Variants in PPM1B observed in about 807,000 individuals in gnomAD.
The protein encoded by PPM1B is protein phosphatase, Mg2+/Mn2+ dependent 1B.
In PPM1B, 22 loss-of-function variants were observed where a neutral mutation model predicts 43.0. The ratio of observed to expected loss-of-function variants is 0.51; its 90% confidence interval spans 0.37 to 0.73. PPM1B has a LOEUF of 0.73. Among genes scored for constraint, PPM1B ranks in the 30% least tolerant of loss-of-function variants. The probability of loss-of-function intolerance (pLI) is 0.00; values close to 1 mark genes in which losing one functional copy is unlikely to be tolerated. For synonymous variants in PPM1B, 217 were observed against 197.9 expected, an observed-to-expected ratio of 1.10 and a Z score of -0.81; for missense variants, 632 against 584.2, an observed-to-expected ratio of 1.08 and a Z score of -0.84.
intron 1 of PPM1B, among the ~76,000 whole-genome samples, chr2:44,197,519 C>T (rs1179343862): frequency 6.6e-6 from 1 of 152,158 alleles, no homozygotes; most frequent in Non-Finnish European, 1.5e-5. Context: ...TTGGATTTCA[C>T]CAGTTTTTCT....
intron 1 of PPM1B, among the ~76,000 whole-genome samples, chr2:44,175,662 G>C (rs1367123652): frequency 3.9e-5 from 6 of 152,088 alleles, no homozygotes; most frequent in Non-Finnish European, 1.5e-5. Flanking sequence ...TAAAAGCTGT[G>C]ATTAGAGCTT....
intron 2 of PPM1B, among the ~76,000 whole-genome samples, chr2:44,207,888 CTTTT>C (rs569077342): frequency 4.1e-5 from 4 of 97,390 alleles, no homozygotes; most frequent in Admixed American, 1.2e-4. Context: ...TGGCTTTATG[CTTTT>C]TTTTTTTTTT....
chr2:44,209,118 T>G, intron 2 of PPM1B, 92 bp from the exon 3 acceptor site: 1 of 1,143,490 alleles, frequency 8.7e-7, no homozygotes, highest in Non-Finnish European at 1.2e-6. Flanking sequence ...TCTGGATGAT[T>G]AAATAAACTA....
In PPM1B at chr2:44,240,767, T is replaced by C. The variant is rs141024161; in HGVS notation, n.1547-3461T>C. Among the ~76,000 whole-genome samples, 531 of 144,936 alleles carry C rather than the reference T, an allele frequency of 3.7e-3. 27 individuals are homozygous for C. The highest frequency in any genetic ancestry group is 0.013 in the African/African-American group (507 of 40,346). ...AGTACCCATTAGCATGAAACAGCGT[T>C]TTCTGGGGTGGCTCAGTAAAATGGA... On this transcript the variant is annotated intron_variant and non_coding_transcript_variant, in intron 5 of 5. Coordinates refer to the PPM1B transcript ENST00000378540.
At chr2:44,175,509 C>CA (rs1387394675) in intron 1 of PPM1B, among the ~76,000 whole-genome samples, 1 of 152,176 alleles carries the variant, frequency 6.6e-6, no homozygotes, top group Non-Finnish European at 1.5e-5. Context: ...ACAAAACAGA[C>CA]AAAATCCCAA....
downstream of PPM1B, among the ~76,000 whole-genome samples, chr2:44,237,045 T>C (rs1670641842): frequency 6.6e-6 from 1 of 152,258 alleles, no homozygotes; most frequent in African/African-American, 2.4e-5. Context: ...TTAAGATGAA[T>C]TCAAGCAATG....
intron 3 of PPM1B, among the ~76,000 whole-genome samples, chr2:44,215,091 A>G (rs1669661062): frequency 6.6e-6 from 1 of 152,234 alleles, no homozygotes; most frequent in Non-Finnish European, 1.5e-5. Flanking sequence ...ACAAATATGT[A>G]ATATGATCTC....
intron 5 of PPM1B, among the ~76,000 whole-genome samples, chr2:44,240,842 G>A (rs543010415): frequency 1.4e-5 from 2 of 145,974 alleles, no homozygotes; most frequent in African/African-American, 4.9e-5. Flanking sequence ...GCCAGGTGCT[G>A]TTGGCTTCCT....
downstream of PPM1B, chr2:44,232,630 C>G: frequency 8.1e-7 from 1 of 1,229,964 alleles, no homozygotes; most frequent in African/African-American, 1.6e-5. Context: ...TATTTCACCA[C>G]AAATCAACAA....
chr2:44,200,832 G>T (rs138423695), intron 1 of PPM1B, among the ~76,000 whole-genome samples: 1 of 152,164 alleles, frequency 6.6e-6, no homozygotes, highest in African/African-American at 2.4e-5. Context: ...AATTAAATCA[G>T]AATGAAATTA....
chr2:44,243,388 T>G (rs1235856679), intron 5 of PPM1B, among the ~76,000 whole-genome samples: 4 of 152,338 alleles, frequency 2.6e-5, no homozygotes, highest in South Asian at 2.1e-4. Context: ...AGTGTCATAC[T>G]TTTACATTCA....
intron 1 of PPM1B, among the ~76,000 whole-genome samples, chr2:44,178,035 A>T (rs1398292427): frequency 6.7e-6 from 1 of 149,654 alleles, no homozygotes; most frequent in African/African-American, 2.5e-5. Flanking sequence ...CTCCCACCTC[A>T]GCCTCCCAAA....
chr2:44,244,689 A>C (rs1257092765), downstream of PPM1B, among the ~76,000 whole-genome samples: 1 of 151,640 alleles, frequency 6.6e-6, no homozygotes, highest in African/African-American at 2.4e-5. Context: ...GGTGGTGTGC[A>C]TAGTTAATAT....
At chr2:44,176,969 G>A (rs912282154) in intron 1 of PPM1B, among the ~76,000 whole-genome samples, 4 of 152,044 alleles carry the variant, frequency 2.6e-5, no homozygotes, top group Non-Finnish European at 4.4e-5. Flanking sequence ...TCGTAGAGAC[G>A]GGGTTTCACC....
chr2:44,223,021 A>G (rs899306811), intron 5 of PPM1B, among the ~76,000 whole-genome samples: 2 of 152,194 alleles, frequency 1.3e-5, no homozygotes, highest in Non-Finnish European at 1.5e-5. Flanking sequence ...TTGTAGGGAT[A>G]GGGTCTCGCT....
intron 3 of PPM1B, among the ~76,000 whole-genome samples, chr2:44,216,825 TG>T (rs938914051): frequency 4.7e-5 from 7 of 147,690 alleles, no homozygotes; most frequent in African/African-American, 1.8e-4. Flanking sequence ...CTTGGGAGGC[TG>T]AGGCAGGAGA....
At chr2:44,215,772 A>T (rs946558071) in intron 3 of PPM1B, among the ~76,000 whole-genome samples, 1 of 152,260 alleles carries the variant, frequency 6.6e-6, no homozygotes, top group Admixed American at 6.5e-5. Flanking sequence ...AAGAAATCTC[A>T]TAGAATTTGT....
intron 1 of PPM1B, among the ~76,000 whole-genome samples, chr2:44,197,339 G>C (rs192426309): frequency 6.6e-6 from 1 of 152,058 alleles, no homozygotes; most frequent in African/African-American, 2.4e-5. Flanking sequence ...GGCTGATCTC[G>C]AACTCCTGGG....
chr2:44,191,872 T>G (rs932009363), intron 1 of PPM1B, among the ~76,000 whole-genome samples: 3 of 152,116 alleles, frequency 2.0e-5, no homozygotes, highest in African/African-American at 4.8e-5. Context: ...TTATCACCAG[T>G]GTTTTGAAAT....
Sources: gnomAD v4.1 joint callset for allele counts (sites outside exome capture counted in the v4.1 genomes callset) on GRCh38, gnomAD v4.1.1 for gene constraint, MANE v1.5 for transcripts, NCBI Gene and HGNC (gene_info 2026-07-23, HGNC 2026-07-21) for gene names.